Variants in PLCL1 observed in about 807,000 individuals in gnomAD.
The protein encoded by PLCL1 is phospholipase C like 1 (inactive), also known as inactive phospholipase C-like protein 1.
In PLCL1, 41 loss-of-function variants were observed where a neutral mutation model predicts 84.4. The ratio of observed to expected loss-of-function variants is 0.49; its 90% CI spans 0.38 to 0.63. The LOEUF is 0.63. Among genes scored for constraint, PLCL1 ranks in the 30% least tolerant of loss-of-function variants. The pLI is 0.00. For synonymous variants in PLCL1, 490 were observed against 488.3 expected (o/e 1.00, Z -0.05); for missense variants, 1,206 against 1,367.8 (o/e 0.88, Z 1.87).
chr2:197,836,701 T>C (rs1475802800), intron 1 of PLCL1, among the ~76,000 whole-genome samples: 1 of 152,124 alleles, frequency 6.6e-6, no homozygotes, highest in Non-Finnish European at 1.5e-5. Context: ...ATTTCCAATG[T>C]ATTGATTGAA....
At chr2:197,807,474 C>G (rs1028923592) in intron 1 of PLCL1, among the ~76,000 whole-genome samples, 1 of 152,190 alleles carries the variant, frequency 6.6e-6, no homozygotes, top group Non-Finnish European at 1.5e-5. Context: ...CCTTAACGCC[C>G]TTCTAAGGAG....
intron 5 of PLCL1, among the ~76,000 whole-genome samples, chr2:198,128,802 A>T (rs1166556317): frequency 6.6e-6 from 1 of 152,194 alleles, no homozygotes; most frequent in East Asian, 1.9e-4. Context: ...AGTTCTTCCC[A>T]AAGTTAGTTC....
Position 197,987,502 on chromosome 2 carries a change from A to G in PLCL1, c.241-96256A>G, listed in dbSNP as rs562860105. Among the ~76,000 whole-genome samples, 124 of 152,270 alleles carry G rather than the reference A, an allele frequency of 8.1e-4. 2 individuals carry two copies. In the South Asian group the frequency reaches 0.025, roughly 31 times the overall value. ...AAACCTCACTTCAATCATTTAGGGT[A>G]CCTACCTGACTCCTGGAAGCATTTG... On this transcript the variant is annotated intron_variant, in intron 1 of 5. Coordinates refer to ENST00000428675, the MANE Select transcript of PLCL1 (RefSeq NM_006226.4).
At chr2:197,886,857 T>A (rs1687933239) in intron 1 of PLCL1, among the ~76,000 whole-genome samples, 1 of 152,206 alleles carries the variant, frequency 6.6e-6, no homozygotes, top group South Asian at 2.1e-4. Context: ...GCTGGATCAA[T>A]CAAAAGTCTT....
intron 1 of PLCL1, among the ~76,000 whole-genome samples, chr2:198,013,623 GT>G (rs1327041939): frequency 1.3e-5 from 2 of 152,030 alleles, no homozygotes; most frequent in Non-Finnish European, 2.9e-5. Flanking sequence ...CGTATCATAG[GT>G]GGTCTGAATT....
At chr2:198,022,305 G>C (rs1052452012) in intron 1 of PLCL1, among the ~76,000 whole-genome samples, 1 of 152,196 alleles carries the variant, frequency 6.6e-6, no homozygotes, top group East Asian at 1.9e-4. Context: ...TACTGAATGG[G>C]CAAATGCTGG....
In PLCL1 at chr2:198,063,434, T is replaced by A. The variant is rs143694770; in HGVS notation, c.241-20324T>A. The stretch of plus-strand genomic sequence containing the variant: ...TAATCAGAAGCAAACTCAAAGTGAA[T>A]GTATTAAAAGTCAAGCTAACTGTTT... On this transcript the variant is annotated intron_variant, in intron 1 of 5. Coordinates refer to ENST00000428675, the MANE Select transcript of PLCL1 (RefSeq NM_006226.4). Among the ~76,000 whole-genome samples, 944 of 152,220 alleles carry A rather than the reference T, an allele frequency of 6.2e-3. 9 individuals are homozygous for A. Among genetic ancestry groups the A allele is most frequent in the African/African-American group, 0.021 (875 of 41,552 alleles).
At chr2:197,863,957 T>A (rs1264366055) in intron 1 of PLCL1, among the ~76,000 whole-genome samples, 8 of 152,182 alleles carry the variant, frequency 5.3e-5, no homozygotes, top group Non-Finnish European at 1.5e-5. Flanking sequence ...TAAACACTCA[T>A]AGACATGACA....
chr2:197,840,626 C>T (rs984158227), intron 1 of PLCL1, among the ~76,000 whole-genome samples: 14 of 152,074 alleles, frequency 9.2e-5, no homozygotes, highest in African/African-American at 3.4e-4. Context: ...ATCCTACTCT[C>T]AGCATAATCT....
Position 198,105,009 on chromosome 2 carries a change from A to G in PLCL1, c.3105+1073A>G, listed in dbSNP as rs147273919. Among the ~76,000 whole-genome samples the G allele has an allele frequency of 1.0e-3, 155 of 152,158 alleles. 3 individuals carry two copies. In the East Asian group the frequency reaches 0.028, roughly 28 times the overall value. On this transcript the variant is annotated intron_variant, in intron 5 of 5. Transcript: ENST00000428675. The stretch of plus-strand genomic sequence containing the variant: ...GTCTTGATAGTTTCTTTTGCTGTGC[A>G]GAAGTTCTTTAATTAGATCCCACTG...
intron 1 of PLCL1, among the ~76,000 whole-genome samples, chr2:197,905,084 A>C (rs1177155299): frequency 6.6e-6 from 1 of 152,082 alleles, no homozygotes; most frequent in African/African-American, 2.4e-5. Context: ...TAATTTTAAA[A>C]TTCTTTTATT....
chr2:197,954,588 A>T (rs1689450546), intron 1 of PLCL1, among the ~76,000 whole-genome samples: 1 of 152,102 alleles, frequency 6.6e-6, no homozygotes, highest in African/African-American at 2.4e-5. Context: ...GCATCATGTA[A>T]TGCGTGTGCA....
intron 1 of PLCL1, among the ~76,000 whole-genome samples, chr2:198,022,336 G>A (rs776860298): frequency 1.2e-3 from 182 of 152,176 alleles, no homozygotes; most frequent in Non-Finnish European, 2.1e-3. Context: ...TTTGAAAACC[G>A]ACACAAGACA....
At chr2:197,892,261 G>C (rs911850283) in intron 1 of PLCL1, among the ~76,000 whole-genome samples, 2 of 152,168 alleles carry the variant, frequency 1.3e-5, no homozygotes, top group African/African-American at 2.4e-5. Flanking sequence ...GAGAGAAAGG[G>C]AAGGGCCTAG....
chr2:197,843,972 G>T (rs1687068805), intron 1 of PLCL1, among the ~76,000 whole-genome samples: 1 of 152,018 alleles, frequency 6.6e-6, no homozygotes, highest in Non-Finnish European at 1.5e-5. Context: ...AACATGTATT[G>T]GTTGTGCTAT....
chr2:198,050,381 C>G (rs1691898244), intron 1 of PLCL1, among the ~76,000 whole-genome samples: 1 of 151,836 alleles, frequency 6.6e-6, no homozygotes, highest in South Asian at 2.1e-4. Context: ...TCCTTTATCC[C>G]TCTTATGTCT....
intron 1 of PLCL1, among the ~76,000 whole-genome samples, chr2:197,995,360 G>A (rs1690435902): frequency 6.6e-6 from 1 of 152,112 alleles, no homozygotes; most frequent in Non-Finnish European, 1.5e-5. Context: ...ATTGTTCCAG[G>A]TGTTGGAGAA....
intron 1 of PLCL1, among the ~76,000 whole-genome samples, chr2:197,840,462 G>A (rs1224356894): frequency 2.6e-5 from 4 of 151,986 alleles, no homozygotes; most frequent in Non-Finnish European, 5.9e-5. Context: ...TTTTATGTAG[G>A]CTTGTTCACT....
At chr2:197,890,399 G>C (rs1391953210) in intron 1 of PLCL1, among the ~76,000 whole-genome samples, 2 of 151,814 alleles carry the variant, frequency 1.3e-5, no homozygotes, top group Non-Finnish European at 2.9e-5. Context: ...ACCAACCTTT[G>C]GATCACTGCC....
Sources: allele counts gnomAD v4.1 joint callset (sites outside exome capture counted in the v4.1 genomes callset), GRCh38; gene constraint gnomAD v4.1.1; transcripts MANE v1.5; gene names NCBI Gene and HGNC (gene_info 2026-07-23, HGNC 2026-07-21).